The following GRIA3 variants were observed in gnomAD, a reference collection of about 807,000 sequenced individuals.
The protein encoded by GRIA3 is glutamate receptor 3.
Under a neutral mutation model 63.0 loss-of-function variants are expected in GRIA3, and 3 were observed. The observed-to-expected ratio is 0.05, with a 90% confidence interval of 0.02 to 0.12. The LOEUF is 0.12. Ranked by LOEUF, GRIA3 falls within the 10% of genes least tolerant of loss-of-function variation. The pLI, the probability that GRIA3 is intolerant of heterozygous loss-of-function variation, is 1.00. For missense variants in GRIA3, 347 were observed against 700.9 expected, an observed-to-expected ratio of 0.50 and a Z score of 5.70; for synonymous variants, 274 against 257.9, an observed-to-expected ratio of 1.06 and a Z score of -0.60.
chrX:123,192,316 A>C (rs1006624505), intron 2 of GRIA3, among the ~76,000 whole-genome samples: 2 of 111,680 alleles, frequency 1.8e-5, no homozygotes, highest in Admixed American at 1.9e-4. Flanking sequence ...CTGGCACAAA[A>C]GGAAGGTTAT....
At chrX:123,211,984 T>C (rs763314829) in intron 2 of GRIA3, among the ~76,000 whole-genome samples, 1 of 111,914 alleles carries the variant, frequency 8.9e-6, no homozygotes, top group Non-Finnish European at 1.9e-5. Flanking sequence ...GACTTGGTAT[T>C]CAAGTTATTA....
chrX:123,260,409 ACAGACAGACAGACAGACAG>A (rs1569409559), intron 3 of GRIA3, among the ~76,000 whole-genome samples: 2 of 8,011 alleles, frequency 2.5e-4, no homozygotes, highest in African/African-American at 8.1e-4. Flanking sequence ...AGAAAGACAG[ACAGACAGACAGACAGACAG>A]AAAGAAAGAA....
chrX:123,275,894 G>T (rs2044552008), intron 3 of GRIA3, among the ~76,000 whole-genome samples: 1 of 112,031 alleles, frequency 8.9e-6, no homozygotes, highest in African/African-American at 3.2e-5. Context: ...GCTTCTATCT[G>T]TCTCTCCAAA....
chrX:123,474,477 A>T (rs777979110), intron 13 of GRIA3, among the ~76,000 whole-genome samples: 37 of 111,161 alleles, frequency 3.3e-4, no homozygotes, highest in African/African-American at 1.2e-3. Flanking sequence ...AGGTCAAGAG[A>T]TTGAGACCAT....
At chrX:123,383,592 C>T (rs948511038) in intron 5 of GRIA3, among the ~76,000 whole-genome samples, 6 of 111,534 alleles carry the variant, frequency 5.4e-5, no homozygotes, top group Non-Finnish European at 9.4e-5. Context: ...GTTCCATCCA[C>T]GTTGCTGCAA....
intron 4 of GRIA3, among the ~76,000 whole-genome samples, chrX:123,343,594 A>G (rs1211228377): frequency 3.2e-5 from 3 of 94,201 alleles, no homozygotes; most frequent in Non-Finnish European, 6.2e-5. Context: ...AGAGAAAGAC[A>G]GAGAGAGAGA....
intron 13 of GRIA3, among the ~76,000 whole-genome samples, chrX:123,474,708 A>T (rs190254238): frequency 0.015 from 1,640 of 110,482 alleles, 16 homozygotes; most frequent in Middle Eastern, 0.051. Flanking sequence ...TAAAAATTTA[A>T]AAAAAAAATA....
At chrX:123,286,447 G>A (rs887822168) in intron 3 of GRIA3, among the ~76,000 whole-genome samples, 8 of 111,143 alleles carry the variant, frequency 7.2e-5, no homozygotes, top group African/African-American at 2.0e-4. Context: ...ATAGAGACAC[G>A]AAAAACCCTT....
intron 2 of GRIA3, among the ~76,000 whole-genome samples, chrX:123,189,973 CAG>C (rs1388433219): frequency 2.7e-5 from 3 of 112,116 alleles, no homozygotes; most frequent in Non-Finnish European, 5.6e-5. Context: ...CTCTTGCCTA[CAG>C]AGTCACAATC....
At chrX:123,360,738 G>A (rs987649540) in intron 5 of GRIA3, among the ~76,000 whole-genome samples, 1 of 96,222 alleles carries the variant, frequency 1.0e-5, no homozygotes, top group Non-Finnish European at 2.1e-5. Flanking sequence ...ATCTGGTTTT[G>A]AAAAAAACCA....
intron 12 of GRIA3, among the ~76,000 whole-genome samples, chrX:123,463,807 GAGAGAAAGAAAAAGAA>G (rs1271223011): frequency 9.3e-6 from 1 of 108,099 alleles, no homozygotes; most frequent in Non-Finnish European, 1.9e-5. Context: ...AGAAGAAAGA[GAGAGAAAGAAAAAGAA>G]AGAGAAAGAA....
chrX:123,227,383 T>C (rs189068048), intron 2 of GRIA3, among the ~76,000 whole-genome samples: 38 of 111,996 alleles, frequency 3.4e-4, no homozygotes, highest in Non-Finnish European at 4.1e-4. Context: ...AATAAAGGAA[T>C]AAATGAATGG....
At chrX:123,481,112 GTTC>G (rs1364559631) in intron 14 of GRIA3, among the ~76,000 whole-genome samples, 1 of 111,506 alleles carries the variant, frequency 9.0e-6, no homozygotes, top group Non-Finnish European at 1.9e-5. Flanking sequence ...ACTTGAAACT[GTTC>G]TTCTTGTCAC....
intron 3 of GRIA3, among the ~76,000 whole-genome samples, chrX:123,301,513 T>C (rs2044723079): frequency 9.0e-6 from 1 of 111,495 alleles, no homozygotes; most frequent in Non-Finnish European, 1.9e-5. Context: ...TAGTACCCAT[T>C]AGAATTAAAG....
chrX:123,207,889 G>A (rs1927935445), intron 2 of GRIA3, among the ~76,000 whole-genome samples: 1 of 111,366 alleles, frequency 9.0e-6, no homozygotes, highest in African/African-American at 3.3e-5. Flanking sequence ...AAGTATATAG[G>A]GACTCCCTCC....
chrX:123,338,008 AACTCTGACCGAAGCCCCT>A (rs1395433085), intron 4 of GRIA3, among the ~76,000 whole-genome samples: 2 of 111,755 alleles, frequency 1.8e-5, no homozygotes, highest in East Asian at 5.6e-4. Context: ...TAATCCTTCA[AACTCTGACCGAAGCCCCT>A]TCACCATTTG....
At chrX:123,404,409 T>G (rs191265321) in intron 9 of GRIA3, among the ~76,000 whole-genome samples, 23 of 109,908 alleles carry the variant, frequency 2.1e-4, no homozygotes, top group Admixed American at 1.4e-3. Context: ...TCTGCCAAAT[T>G]TGATGAAATC....
intron 3 of GRIA3, among the ~76,000 whole-genome samples, chrX:123,277,663 T>C (rs984365782): frequency 2.7e-5 from 3 of 111,639 alleles, no homozygotes; most frequent in Admixed American, 9.5e-5. Context: ...ACAGGAAGGG[T>C]TCCAACACTT....
At chrX:123,331,753 G>C (rs1196081883) in intron 4 of GRIA3, among the ~76,000 whole-genome samples, 2 of 111,713 alleles carry the variant, frequency 1.8e-5, no homozygotes, top group Non-Finnish European at 3.8e-5. Flanking sequence ...ACACAAGCTT[G>C]GGACTCAAAT....
Sources: gnomAD v4.1 joint callset for allele counts (sites outside exome capture counted in the v4.1 genomes callset) on GRCh38, gnomAD v4.1.1 for gene constraint, MANE v1.5 for transcripts, NCBI Gene and HGNC (gene_info 2026-07-23, HGNC 2026-07-21) for gene names.